Variants in ANKS1B observed in about 807,000 individuals in gnomAD.
ANKS1B encodes ankyrin repeat and sterile alpha motif domain-containing protein 1B.
Under a neutral mutation model 148.3 loss-of-function variants are expected in ANKS1B, and 36 were observed. The observed-to-expected ratio is 0.24, with a 90% CI of 0.19 to 0.32. The LOEUF is 0.32. ANKS1B is among the 10% of genes least tolerant of loss of function. The probability of loss-of-function intolerance (pLI) is 1.00; values close to 1 mark genes in which losing one functional copy is unlikely to be tolerated. For missense variants in ANKS1B, 1,157 were observed against 1,542.6 expected (o/e 0.75, Z 4.19); for synonymous variants, 542 against 560.8 (o/e 0.97, Z 0.47).
chr12:98,932,265 T>G (rs1180468993), intron 17 of ANKS1B, among the ~76,000 whole-genome samples: 1 of 152,190 alleles, frequency 6.6e-6, no homozygotes, highest in African/African-American at 2.4e-5. Context: ...GGAACAAGCT[T>G]TCTTTAGTCA....
intron 9 of ANKS1B, among the ~76,000 whole-genome samples, chr12:99,580,116 A>C (rs1033014908): frequency 1.3e-5 from 2 of 152,176 alleles, no homozygotes; most frequent in African/African-American, 4.8e-5. Context: ...CAAATACCAC[A>C]TATTGTCACT....
intron 1 of ANKS1B, among the ~76,000 whole-genome samples, chr12:99,962,829 T>TC (rs1156883200): frequency 6.7e-6 from 1 of 150,338 alleles, no homozygotes; most frequent in African/African-American, 2.5e-5. Flanking sequence ...TTTTTTTTTT[T>TC]TTGAGACGGA....
chr12:99,409,595 T>TTTGAC (rs1051110078), intron 11 of ANKS1B, among the ~76,000 whole-genome samples: 1 of 152,108 alleles, frequency 6.6e-6, no homozygotes, highest in Non-Finnish European at 1.5e-5. Flanking sequence ...TGCATGCCTG[T>TTTGAC]GTCAAAATAT....
chr12:99,784,909 T>C (rs973344879), intron 4 of ANKS1B, among the ~76,000 whole-genome samples: 3 of 152,214 alleles, frequency 2.0e-5, no homozygotes, highest in African/African-American at 7.2e-5. Flanking sequence ...ATATACCACA[T>C]TATAATTTTA....
chr12:99,154,603 A>T, intron 14 of ANKS1B: 3 of 1,472,428 alleles, frequency 2.0e-6, no homozygotes, highest in Non-Finnish European at 2.7e-6. Flanking sequence ...GCTGTGGAGT[A>T]TGACTTGATC....
chr12:99,290,938 C>T (rs1223271209), intron 12 of ANKS1B, among the ~76,000 whole-genome samples: 1 of 151,868 alleles, frequency 6.6e-6, no homozygotes, highest in Non-Finnish European at 1.5e-5. Flanking sequence ...AATCAGACAA[C>T]AGAAAGAAAT....
chr12:98,867,847 C>A (rs149683827), intron 17 of ANKS1B, among the ~76,000 whole-genome samples: 1,594 of 147,246 alleles, frequency 0.011, 29 homozygotes, highest in African/African-American at 0.038. Context: ...GGCAACAGAG[C>A]AAGACTCCAT....
chr12:99,478,195 C>G (rs2096356318), intron 10 of ANKS1B, among the ~76,000 whole-genome samples: 1 of 152,104 alleles, frequency 6.6e-6, no homozygotes, highest in Non-Finnish European at 1.5e-5. Flanking sequence ...GGGTCCAGCT[C>G]TTTCATAGGC....
chr12:99,783,675 A>T (rs1421411063), intron 4 of ANKS1B, among the ~76,000 whole-genome samples: 1 of 152,186 alleles, frequency 6.6e-6, no homozygotes, highest in Admixed American at 6.5e-5. Context: ...GAGCTAAAAA[A>T]GTTGGACCCA....
intron 12 of ANKS1B, among the ~76,000 whole-genome samples, chr12:99,390,469 C>T (rs1470077167): frequency 6.6e-6 from 1 of 152,120 alleles, no homozygotes; most frequent in African/African-American, 2.4e-5. Context: ...AAGGACATAC[C>T]AGCTTCTGGA....
At position 98,915,177 on chromosome 12, in the gene ANKS1B, T is replaced by C. The variant is rs1276822073; in HGVS notation, c.2779-83041A>G. ...AGCAGGCTGGACCCCTAATCCAATA[T>C]GACTAGCGTCCTTCTAGAAAGAATG... is the stretch of plus-strand genomic sequence containing the variant. On this transcript the variant is annotated intron_variant, in intron 17 of 26. Transcript: ENST00000683438. Among the ~76,000 whole-genome samples, 4 of 152,082 alleles carry C rather than the reference T, an allele frequency of 2.6e-5. No individual in the cohort carries two copies. In the South Asian group the frequency reaches 8.3e-4, roughly 32 times the overall value.
chr12:99,331,850 T>A (rs1231787043), intron 12 of ANKS1B, among the ~76,000 whole-genome samples: 1 of 151,860 alleles, frequency 6.6e-6, no homozygotes, highest in African/African-American at 2.4e-5. Context: ...AGAGCTTATG[T>A]AGAGAAAAAT....
intron 1 of ANKS1B, among the ~76,000 whole-genome samples, chr12:99,838,564 G>C (rs987878891): frequency 1.3e-4 from 20 of 151,948 alleles, no homozygotes; most frequent in African/African-American, 4.8e-4. Context: ...TTCTAATGTT[G>C]AAAATATTTC....
In ANKS1B at chr12:99,067,853, G is replaced by A. The variant is rs565208205; in HGVS notation, c.2626-14544C>T. Among the ~76,000 whole-genome samples, 321 of 150,308 alleles carry A rather than the reference G, an allele frequency of 2.1e-3. 1 individual carries two copies. Among genetic ancestry groups the A allele is most frequent in the African/African-American group, 7.4e-3 (305 of 41,058 alleles). On this transcript the variant is annotated intron_variant, in intron 16 of 26. Coordinates refer to ENST00000683438, the MANE Select transcript of ANKS1B (RefSeq NM_001352186.2). Reference sequence around the variant, plus strand: ...TTAGGAAAATGTTTCCAGCCTCATAGTCTGTTGTATGTGCGTGTGTGTGCA... The same window carrying A: ...TTAGGAAAATGTTTCCAGCCTCATAATCTGTTGTATGTGCGTGTGTGTGCA...
chr12:99,225,470 A>G (rs1186090883), intron 14 of ANKS1B, among the ~76,000 whole-genome samples: 1 of 152,102 alleles, frequency 6.6e-6, no homozygotes, highest in African/African-American at 2.4e-5. Flanking sequence ...GATGCAAAGT[A>G]TTGTTTCTGG....
chr12:99,790,976 T>C (rs1031350578), intron 4 of ANKS1B, among the ~76,000 whole-genome samples: 2 of 151,880 alleles, frequency 1.3e-5, no homozygotes, highest in South Asian at 2.1e-4. Context: ...TCAAAAGACA[T>C]AGAGTGGCTG....
chr12:99,129,317 C>T (rs2065373607), intron 15 of ANKS1B, among the ~76,000 whole-genome samples: 1 of 152,056 alleles, frequency 6.6e-6, no homozygotes, highest in Non-Finnish European at 1.5e-5. Flanking sequence ...AGTTATTCAG[C>T]CCAAAGCAAA....
At chr12:99,257,704 AG>A (rs1200874214) in intron 12 of ANKS1B, among the ~76,000 whole-genome samples, 2 of 152,034 alleles carry the variant, frequency 1.3e-5, no homozygotes, top group African/African-American at 4.8e-5. Context: ...TTGCTTTTCA[AG>A]GTATTTAGAA....
At chr12:99,866,770 A>G (rs2090812977) in intron 1 of ANKS1B, among the ~76,000 whole-genome samples, 1 of 152,202 alleles carries the variant, frequency 6.6e-6, no homozygotes, top group African/African-American at 2.4e-5. Context: ...ATCTAAATGT[A>G]TAATTTATAA....
Sources: gnomAD v4.1 joint callset for allele counts (sites outside exome capture counted in the v4.1 genomes callset) on GRCh38, gnomAD v4.1.1 for gene constraint, MANE v1.5 for transcripts, NCBI Gene and HGNC (gene_info 2026-07-23, HGNC 2026-07-21) for gene names.